Variants in RBFOX1 observed in about 807,000 individuals in gnomAD.
The protein encoded by RBFOX1 is RNA binding fox-1 homolog 1.
A neutral mutation model predicts 57.7 loss-of-function variants in RBFOX1; 8 were observed. The ratio of observed to expected loss-of-function variants is 0.14; its 90% confidence interval spans 0.08 to 0.25. RBFOX1 has a LOEUF of 0.25. Ranked by LOEUF, RBFOX1 falls within the 10% of genes least tolerant of loss-of-function variation. The probability of loss-of-function intolerance (pLI) is 1.00; values close to 1 mark genes in which losing one functional copy is unlikely to be tolerated. For synonymous variants in RBFOX1, 326 were observed against 222.4 expected (o/e 1.47, Z -4.15); for missense variants, 611 against 548.5 (o/e 1.11, Z -1.14).
intron 4 of RBFOX1, among the ~76,000 whole-genome samples, chr16:7,514,038 G>A (rs566816891): frequency 6.6e-6 from 1 of 151,948 alleles, no homozygotes; most frequent in South Asian, 2.1e-4. Flanking sequence ...AACTACTTAT[G>A]CAATAATGGC....
intron 1 of RBFOX1, among the ~76,000 whole-genome samples, chr16:6,182,833 G>T (rs565624609): frequency 6.6e-6 from 1 of 152,148 alleles, no homozygotes; most frequent in African/African-American, 2.4e-5. Flanking sequence ...CTTTTTTAAT[G>T]AAAATATTTA....
At chr16:7,200,007 T>C (rs889594139) in intron 4 of RBFOX1, among the ~76,000 whole-genome samples, 4 of 152,214 alleles carry the variant, frequency 2.6e-5, no homozygotes, top group African/African-American at 9.7e-5. Context: ...GCTCAGAATG[T>C]GGATAGTCAC....
chr16:6,297,425 A>T (rs937992963), intron 1 of RBFOX1, among the ~76,000 whole-genome samples: 1 of 152,030 alleles, frequency 6.6e-6, no homozygotes, highest in Non-Finnish European at 1.5e-5. Flanking sequence ...CTGTGGCTTA[A>T]ATCCCAGCCT....
chr16:6,572,742 G>A (rs2097362582), intron 2 of RBFOX1, among the ~76,000 whole-genome samples: 2 of 152,078 alleles, frequency 1.3e-5, no homozygotes, highest in Admixed American at 6.5e-5. Flanking sequence ...ACAGGTGTGA[G>A]ATATGCACCC....
chr16:7,551,721 T>C (rs2086602901), intron 5 of RBFOX1, among the ~76,000 whole-genome samples: 1 of 152,218 alleles, frequency 6.6e-6, no homozygotes, highest in African/African-American at 2.4e-5. Flanking sequence ...GGGCCAATTA[T>C]GAGCATTACT....
chr16:5,721,887 G>A (rs2051949903), intron 3 of RBFOX1, among the ~76,000 whole-genome samples: 1 of 152,184 alleles, frequency 6.6e-6, no homozygotes, highest in Non-Finnish European at 1.5e-5. Flanking sequence ...AAGATTCACT[G>A]CTTCATATGT....
intron 4 of RBFOX1, among the ~76,000 whole-genome samples, chr16:7,207,096 C>G (rs536235911): frequency 1.3e-5 from 2 of 152,296 alleles, no homozygotes; most frequent in African/African-American, 4.8e-5. Flanking sequence ...CAGTTGGTAA[C>G]TGAGGCTTCA....
chr16:5,313,664 A>AAG (rs897098709), intron 1 of RBFOX1, among the ~76,000 whole-genome samples: 1 of 152,296 alleles, frequency 6.6e-6, no homozygotes, highest in African/African-American at 2.4e-5. Flanking sequence ...GCGGCAGACA[A>AAG]AGAGAGAGAG....
chr16:5,701,574 C>A (rs2051049523), intron 3 of RBFOX1, among the ~76,000 whole-genome samples: 1 of 152,176 alleles, frequency 6.6e-6, no homozygotes. Flanking sequence ...GGACTCCAGG[C>A]ACACTGTACC....
At chr16:7,195,817 T>G (rs2086562131) in intron 4 of RBFOX1, among the ~76,000 whole-genome samples, 2 of 152,202 alleles carry the variant, frequency 1.3e-5, no homozygotes, top group Non-Finnish European at 2.9e-5. Flanking sequence ...CCTCCCAAAG[T>G]GCTGGGGTTA....
At chr16:6,786,205 G>A (rs941784903) in intron 3 of RBFOX1, among the ~76,000 whole-genome samples, 2 of 152,168 alleles carry the variant, frequency 1.3e-5, no homozygotes, top group Admixed American at 1.3e-4. Context: ...ATTCCTTGGG[G>A]AGGGGTATGT....
chr16:5,286,274 A>G (rs1449536441), intron 1 of RBFOX1, among the ~76,000 whole-genome samples: 1 of 152,116 alleles, frequency 6.6e-6, no homozygotes, highest in Admixed American at 6.5e-5. Flanking sequence ...GGTTGCTGGC[A>G]GTGGCAGTAC....
chr16:6,953,467 C>T (rs9927402), intron 3 of RBFOX1, among the ~76,000 whole-genome samples: 2 of 151,984 alleles, frequency 1.3e-5, no homozygotes, highest in Admixed American at 1.3e-4. Flanking sequence ...CTCACCGCAA[C>T]CTCCACCTCC....
chr16:5,267,072 A>G (rs546305735), intron 1 of RBFOX1, among the ~76,000 whole-genome samples: 1 of 151,584 alleles, frequency 6.6e-6, no homozygotes, highest in East Asian at 2.0e-4. Context: ...ATAGCCAAGG[A>G]GAGGAGTGTG....
At position 7,479,033 on chromosome 16, in the gene RBFOX1, C is replaced by A. The variant is rs150257293; in HGVS notation, c.28-39114C>A. ...ACTGTGAGAGTGTAGAAGAGTTTAT[C>A]CCGAATCCACAAACAGGAAAGTGGA... On this transcript the variant is annotated intron_variant, in intron 4 of 15. Transcript: ENST00000550418. Among the ~76,000 whole-genome samples the A allele has an allele frequency of 2.6e-5, 4 of 152,164 alleles. No homozygotes were observed. The East Asian group carries it at 7.7e-4, about 29-fold the overall frequency.
chr16:7,391,385 G>C (rs80146874), intron 4 of RBFOX1, among the ~76,000 whole-genome samples: 2 of 152,172 alleles, frequency 1.3e-5, no homozygotes, highest in East Asian at 3.9e-4. Flanking sequence ...AATTATAGGG[G>C]TAGCTGGGTA....
At chr16:7,092,620 A>G (rs1019080540) in intron 4 of RBFOX1, among the ~76,000 whole-genome samples, 2 of 152,134 alleles carry the variant, frequency 1.3e-5, no homozygotes, top group African/African-American at 2.4e-5. Context: ...CACTAATCAT[A>G]TATGTATTTG....
intron 4 of RBFOX1, among the ~76,000 whole-genome samples, chr16:7,389,958 G>T (rs2097965002): frequency 6.6e-6 from 1 of 152,134 alleles, no homozygotes; most frequent in Non-Finnish European, 1.5e-5. Context: ...AAAGGAAAGA[G>T]GTTTAATTGG....
intron 4 of RBFOX1, among the ~76,000 whole-genome samples, chr16:7,059,859 T>C (rs1383324326): frequency 6.6e-6 from 1 of 152,190 alleles, no homozygotes; most frequent in African/African-American, 2.4e-5. Flanking sequence ...TGGAATATTA[T>C]GTAAACTGAT....
Sources: gnomAD v4.1 joint callset for allele counts (sites outside exome capture counted in the v4.1 genomes callset) on GRCh38, gnomAD v4.1.1 for gene constraint, MANE v1.5 for transcripts, NCBI Gene and HGNC (gene_info 2026-07-23, HGNC 2026-07-21) for gene names.